The following COL22A1 variants were observed in gnomAD, a reference collection of about 807,000 sequenced individuals.
The protein encoded by COL22A1 is collagen alpha-1(XXII) chain.
In COL22A1, 221 loss-of-function variants were observed where a neutral mutation model predicts 248.9. The observed-to-expected ratio is 0.89, with a 90% CI of 0.80 to 0.99. The LOEUF (loss-of-function observed/expected upper bound fraction) is 0.99, where lower values mean the gene tolerates loss of function less well. Ranked by LOEUF, COL22A1 falls within the 50% of genes least tolerant of loss-of-function variation. The pLI, the probability that COL22A1 is intolerant of heterozygous loss-of-function variation, is 0.00. For synonymous variants in COL22A1, 891 were observed against 793.4 expected, an observed-to-expected ratio of 1.12 and a Z score of -2.07; for missense variants, 2,240 against 2,179.0, an observed-to-expected ratio of 1.03 and a Z score of -0.56.
chr8:138,769,945 C>T lies in COL22A1; in HGVS notation c.1803+6021G>A, dbSNP rs371889729. Among the ~76,000 whole-genome samples the T allele has an allele frequency of 3.9e-4, 59 of 152,270 alleles. 1 individual carries two copies. The East Asian group carries it at 8.7e-3, about 22-fold the overall frequency. On this transcript the variant is annotated intron_variant, in intron 16 of 64. Transcript: ENST00000303045. ...TGTTAATTGCTTAGGGACCTTCTACCAGGTGCCAAGCCCTGCACTTGCTCT... is the reference window on the plus strand; with the variant it reads ...TGTTAATTGCTTAGGGACCTTCTACTAGGTGCCAAGCCCTGCACTTGCTCT...
Position 138,906,900 on chromosome 8 carries a change from G to A in COL22A1, c.-73+6719C>T, listed in dbSNP as rs144918670. ...ACTCCTGACCTCAAGTGATCCTTCC[G>A]CCTCGGCCTCCCAAAGTGCCGGGAC... On this transcript the variant is annotated intron_variant, in intron 1 of 64. Transcript: ENST00000303045. Among the ~76,000 whole-genome samples the A allele has an allele frequency of 7.3e-3, 1,110 of 152,250 alleles. 16 individuals are homozygous for A. Among genetic ancestry groups the A allele is most frequent in the African/African-American group, 0.026 (1,068 of 41,546 alleles).
intron 12 of COL22A1, among the ~76,000 whole-genome samples, chr8:138,782,270 G>A (rs1815081213): frequency 6.6e-6 from 1 of 152,160 alleles, no homozygotes; most frequent in Admixed American, 6.5e-5. Flanking sequence ...TCGAACTGGA[G>A]TACAGTGACA....
At chr8:138,750,110 T>C (rs995214328) in intron 22 of COL22A1, among the ~76,000 whole-genome samples, 2 of 152,206 alleles carry the variant, frequency 1.3e-5, no homozygotes, top group African/African-American at 2.4e-5. Context: ...CTGCCACCCA[T>C]GTAAGACGTA....
chr8:138,856,768 A>T (rs1360222016), intron 3 of COL22A1, among the ~76,000 whole-genome samples: 1 of 152,176 alleles, frequency 6.6e-6, no homozygotes, highest in Non-Finnish European at 1.5e-5. Flanking sequence ...TGTGGGACAC[A>T]CTCCCAGGAT....
chr8:138,750,101 T>G (rs1832465793), intron 22 of COL22A1, among the ~76,000 whole-genome samples: 1 of 152,222 alleles, frequency 6.6e-6, no homozygotes, highest in Non-Finnish European at 1.5e-5. Flanking sequence ...CTTTGCCTGC[T>G]GCCACCCATG....
At chr8:138,676,445 G>C (rs1254674688) in intron 41 of COL22A1, 113 bp downstream of exon 41, 1 of 551,414 alleles carries the variant, frequency 1.8e-6, no homozygotes, top group Non-Finnish European at 3.2e-6. Flanking sequence ...AAGAAAGAAA[G>C]AAAGAAAGAA....
chr8:138,694,927 C>A lies in COL22A1; in HGVS notation c.2593-48G>T, dbSNP rs745480053. The stretch of plus-strand genomic sequence containing the variant: ...AGAGTGGACTTCAGGGAGAACTGCC[C>A]CTCGTCACAGGGTACATGTCCCCAG... On this transcript the variant is annotated intron_variant, in intron 32 of 64. Transcript: ENST00000303045. The A allele has an allele frequency of 4.4e-6, 7 of 1,587,496 alleles. No homozygotes were observed. In the East Asian group the frequency reaches 1.6e-4, roughly 36 times the overall value.
chr8:138,594,846 T>A (rs941098514), intron 62 of COL22A1, among the ~76,000 whole-genome samples: 5 of 152,080 alleles, frequency 3.3e-5, no homozygotes, highest in Non-Finnish European at 5.9e-5. Flanking sequence ...TCACTTTTCC[T>A]CTCCGATGTC....
chr8:138,625,870 GT>G (rs1202860722), intron 51 of COL22A1, among the ~76,000 whole-genome samples: 1 of 152,062 alleles, frequency 6.6e-6, no homozygotes, highest in African/African-American at 2.4e-5. Context: ...ATGTGTGTGT[GT>G]TTTGTTTTAA....
At chr8:138,879,709 A>G (rs866653564) in intron 2 of COL22A1, among the ~76,000 whole-genome samples, 2,275 of 146,268 alleles carry the variant, frequency 0.016, 54 homozygotes, top group African/African-American at 0.055. Context: ...AAAAAAAAAA[A>G]AAAAAGAAGA....
At chr8:138,882,411 TTC>T (rs35944604) in intron 2 of COL22A1, among the ~76,000 whole-genome samples, 84,356 of 139,944 alleles carry the variant, frequency 0.6, 26,482 homozygotes, top group East Asian at 0.86. Flanking sequence ...CTCACACATA[TTC>T]TCTCACACTC....
chr8:138,591,550 CAG>C (rs766813698), intron 63 of COL22A1, 49 bp from the exon 64 acceptor site: 21 of 1,427,412 alleles, frequency 1.5e-5, no homozygotes, highest in Middle Eastern at 1.8e-4. Context: ...CCGGGGAGGA[CAG>C]AAACTGGGCG....
At chr8:138,835,892 C>T (rs984062802) in intron 4 of COL22A1, among the ~76,000 whole-genome samples, 11 of 152,184 alleles carry the variant, frequency 7.2e-5, no homozygotes, top group African/African-American at 2.7e-4. Flanking sequence ...ATCCCTGTTC[C>T]CACACTTTCT....
At chr8:138,662,117 A>G (rs376047011) in intron 42 of COL22A1, 34 bp from the exon 43 acceptor site, 6 of 1,591,224 alleles carry the variant, frequency 3.8e-6, no homozygotes, top group Middle Eastern at 1.7e-4. Context: ...CTGACACCCT[A>G]CAATATTTAA....
intron 3 of COL22A1, among the ~76,000 whole-genome samples, chr8:138,859,480 T>C (rs1822290889): frequency 6.6e-6 from 1 of 152,202 alleles, no homozygotes; most frequent in Non-Finnish European, 1.5e-5. Flanking sequence ...GGTGCATCCC[T>C]GAGGCAGCTT....
At chr8:138,713,710 A>AC (rs367727991) in intron 30 of COL22A1, among the ~76,000 whole-genome samples, 727 of 41,980 alleles carry the variant, frequency 0.017, 13 homozygotes, top group African/African-American at 0.041. Flanking sequence ...CTATGAGTCC[A>AC]CCCCCACCGC....
At chr8:138,627,897 C>T (rs1202394790) in intron 50 of COL22A1, among the ~76,000 whole-genome samples, 1 of 152,028 alleles carries the variant, frequency 6.6e-6, no homozygotes, top group Non-Finnish European at 1.5e-5. Flanking sequence ...AAAAAAATAC[C>T]CTTTTTATAG....
At position 138,830,643 on chromosome 8, in the gene COL22A1, G is replaced by A. The variant is rs148582943; in HGVS notation, c.845+2396C>T. Among the ~76,000 whole-genome samples, 126 of 152,276 alleles carry A rather than the reference G, an allele frequency of 8.3e-4. 1 individual carries two copies. In the East Asian group the frequency reaches 0.021, roughly 25 times the overall value. On this transcript the variant is annotated intron_variant, in intron 5 of 64. Coordinates refer to ENST00000303045, the MANE Select transcript of COL22A1 (RefSeq NM_152888.3). Reference sequence around the variant, plus strand: ...GTTCCACAGAGCATTGCCTGAATTCGGCCGCTTTGCTCTTTGATGCAAGTG... The same window carrying A: ...GTTCCACAGAGCATTGCCTGAATTCAGCCGCTTTGCTCTTTGATGCAAGTG...
At chr8:138,881,862 C>T (rs933324953) in intron 2 of COL22A1, among the ~76,000 whole-genome samples, 2 of 152,108 alleles carry the variant, frequency 1.3e-5, no homozygotes, top group African/African-American at 4.8e-5. Flanking sequence ...GACCCTGACC[C>T]CTCCTTCACA....
Sources: gnomAD v4.1 joint callset for allele counts (sites outside exome capture counted in the v4.1 genomes callset) on GRCh38, gnomAD v4.1.1 for gene constraint, MANE v1.5 for transcripts, NCBI Gene and HGNC (gene_info 2026-07-23, HGNC 2026-07-21) for gene names.